MYO1D: variants seen among roughly 807,000 people sequenced by gnomAD.
The protein encoded by MYO1D is unconventional myosin-Id.
A neutral mutation model predicts 122.0 loss-of-function variants in MYO1D; 83 were observed. The observed-to-expected ratio is 0.68, with a 90% CI of 0.57 to 0.82. The LOEUF is 0.82. Ranked by LOEUF, MYO1D falls within the 40% of genes least tolerant of loss-of-function variation. MYO1D has a pLI of 0.00. For missense variants in MYO1D, 1,157 were observed against 1,269.5 expected (o/e 0.91, Z 1.35); for synonymous variants, 464 against 446.9 (o/e 1.04, Z -0.48).
At chr17:32,676,411 T>A (rs1025414289) in intron 16 of MYO1D, among the ~76,000 whole-genome samples, 2 of 152,088 alleles carry the variant, frequency 1.3e-5, no homozygotes, top group East Asian at 1.9e-4. Flanking sequence ...TGTAAGGGCT[T>A]TTTGTATATG....
chr17:32,693,459 A>C (rs567686219), intron 16 of MYO1D, among the ~76,000 whole-genome samples: 1 of 152,294 alleles, frequency 6.6e-6, no homozygotes, highest in East Asian at 1.9e-4. Flanking sequence ...GCTCAATTGA[A>C]AGGTGTATTT....
chr17:32,772,641 G>GGTGC (rs1024629065), intron 5 of MYO1D, 148 bp downstream of exon 5: 23 of 660,208 alleles, frequency 3.5e-5, no homozygotes, highest in African/African-American at 1.1e-4. Context: ...CAGGGCATGT[G>GGTGC]GTGCGTGCGT....
At chr17:32,571,162 A>G (rs963284827) in intron 21 of MYO1D, among the ~76,000 whole-genome samples, 3 of 152,132 alleles carry the variant, frequency 2.0e-5, no homozygotes, top group Non-Finnish European at 4.4e-5. Flanking sequence ...ATCAGTGGGA[A>G]GTATCTGTGG....
chr17:32,823,306 T>C (rs1221784804), intron 1 of MYO1D, among the ~76,000 whole-genome samples: 1 of 152,186 alleles, frequency 6.6e-6, no homozygotes, highest in East Asian at 1.9e-4. Context: ...GTCAGGGCAC[T>C]GATGACACTA....
rs2087013346 is a variant in MYO1D, at chr17:32,551,319, A to G, written c.2864+53768T>C. Among the ~76,000 whole-genome samples, 3 of 152,346 alleles carry G rather than the reference A, an allele frequency of 2.0e-5. No homozygotes were observed. The South Asian group carries it at 6.2e-4, about 32-fold the overall frequency. ...TAACAGCCAGCCTTATGCAGAATAT[A>G]TTAAGAAAACCACACAAAAGGGAAA... On this transcript the variant is annotated intron_variant, in intron 21 of 21. Transcript: ENST00000318217.
intron 21 of MYO1D, among the ~76,000 whole-genome samples, chr17:32,572,698 T>C (rs1013315510): frequency 2.6e-5 from 4 of 152,166 alleles, no homozygotes; most frequent in African/African-American, 9.7e-5. Context: ...CCATCTCCTA[T>C]ACTCTTCCCT....
intron 21 of MYO1D, among the ~76,000 whole-genome samples, chr17:32,514,558 G>C (rs1482047741): frequency 6.6e-6 from 1 of 152,184 alleles, no homozygotes; most frequent in Non-Finnish European, 1.5e-5. Flanking sequence ...TCTAATCCTT[G>C]CTTTGCAAAT....
chr17:32,830,454 G>A (rs912665420), intron 1 of MYO1D: 1 of 152,118 alleles, frequency 6.6e-6, no homozygotes, highest in Non-Finnish European at 1.5e-5. Context: ...CTGCAAGCAG[G>A]GTAGACAGAA....
intron 7 of MYO1D, among the ~76,000 whole-genome samples, chr17:32,765,757 C>T (rs1388930213): frequency 6.6e-6 from 1 of 152,028 alleles, no homozygotes; most frequent in Non-Finnish European, 1.5e-5. Flanking sequence ...CGCGCCTGGC[C>T]TTTTTCCTTA....
Position 32,863,998 on chromosome 17 carries a change from C to T in MYO1D, c.95+12780G>A, listed in dbSNP as rs371025018. ...CTTTTAAAATAATTTTGGTTACAAA[C>T]ATTTCTTCCTTTTTTTTTTTTTTTT... On this transcript the variant is annotated intron_variant, in intron 1 of 21. Coordinates refer to ENST00000318217, the MANE Select transcript of MYO1D (RefSeq NM_015194.3). Among the ~76,000 whole-genome samples the T allele has an allele frequency of 2.7e-4, 16 of 59,674 alleles. No individual in the cohort carries two copies. In the East Asian group the frequency reaches 0.013, roughly 48 times the overall value. The allele number at this position is 59,674 out of a possible 152,430, so 39.1% of individuals were successfully genotyped here. A position where few individuals can be genotyped will look rare whatever the true frequency, so the allele number is the denominator to read the frequency against.
At chr17:32,522,688 A>C (rs533108998) in intron 21 of MYO1D, among the ~76,000 whole-genome samples, 1 of 152,128 alleles carries the variant, frequency 6.6e-6, no homozygotes, top group East Asian at 1.9e-4. Context: ...ACACGGAAAA[A>C]CGAGTGGGGT....
At chr17:32,635,287 A>T (rs181001924) in intron 20 of MYO1D, among the ~76,000 whole-genome samples, 1 of 152,232 alleles carries the variant, frequency 6.6e-6, no homozygotes, top group Non-Finnish European at 1.5e-5. Flanking sequence ...TGCAAAACTC[A>T]GGTTGTGGAG....
At chr17:32,642,004 C>T (rs1172266369) in intron 19 of MYO1D, among the ~76,000 whole-genome samples, 2 of 152,292 alleles carry the variant, frequency 1.3e-5, no homozygotes, top group African/African-American at 4.8e-5. Flanking sequence ...GAAGTTCTTG[C>T]CCATGCCTAT....
At chr17:32,605,272 T>C in intron 20 of MYO1D, 31 bp from the exon 21 acceptor site, 1 of 1,534,110 alleles carries the variant, frequency 6.5e-7, no homozygotes, top group Non-Finnish European at 8.9e-7. Flanking sequence ...GAAAACTATT[T>C]GGATCATTCT....
intron 16 of MYO1D, among the ~76,000 whole-genome samples, chr17:32,698,053 C>T (rs2089196360): frequency 6.6e-6 from 1 of 152,180 alleles, no homozygotes; most frequent in Admixed American, 6.5e-5. Flanking sequence ...TGTGTGACCT[C>T]TGCCAAGGTC....
At chr17:32,627,656 ATT>A (rs1424031924) in intron 20 of MYO1D, 1 of 152,090 alleles carries the variant, frequency 6.6e-6, no homozygotes, top group East Asian at 1.9e-4. Flanking sequence ...TGTGCAATTA[ATT>A]GGCTGCTTCC....
intron 1 of MYO1D, among the ~76,000 whole-genome samples, chr17:32,847,034 G>T (rs1315180623): frequency 6.6e-6 from 1 of 152,098 alleles, no homozygotes; most frequent in African/African-American, 2.4e-5. Context: ...GAGATTAGAT[G>T]ATAGCACAAT....
chr17:32,707,082 C>T (rs2089318783), intron 16 of MYO1D, among the ~76,000 whole-genome samples: 2 of 152,042 alleles, frequency 1.3e-5, no homozygotes, highest in African/African-American at 4.8e-5. Flanking sequence ...AAAATTTTCA[C>T]ATCGAAGAGT....
intron 16 of MYO1D, among the ~76,000 whole-genome samples, chr17:32,698,770 C>T (rs1357601024): frequency 6.6e-6 from 1 of 151,984 alleles, no homozygotes; most frequent in African/African-American, 2.4e-5. Context: ...TATGTTTATG[C>T]TTTAATGAGC....
Sources: allele counts gnomAD v4.1 joint callset (sites outside exome capture counted in the v4.1 genomes callset), GRCh38; gene constraint gnomAD v4.1.1; transcripts MANE v1.5; gene names NCBI Gene and HGNC (gene_info 2026-07-23, HGNC 2026-07-21).